CCNY: variants seen among roughly 807,000 people sequenced by gnomAD.
CCNY encodes the protein cyclin-Y.
In CCNY, 19 loss-of-function variants were observed where a neutral mutation model predicts 42.8. The observed-to-expected ratio is 0.44, with a 90% CI of 0.31 to 0.65. The LOEUF is 0.65. Ranked by LOEUF, CCNY falls within the 30% of genes least tolerant of loss-of-function variation. The probability of loss-of-function intolerance (pLI) is 0.07; values close to 1 mark genes in which losing one functional copy is unlikely to be tolerated. For synonymous variants in CCNY, 165 were observed against 162.7 expected (o/e 1.01, Z -0.11); for missense variants, 370 against 437.3 (o/e 0.85, Z 1.37).
intron 1 of CCNY, among the ~76,000 whole-genome samples, chr10:35,459,554 T>C (rs1839112273): frequency 6.6e-6 from 1 of 152,174 alleles, no homozygotes; most frequent in Non-Finnish European, 1.5e-5. Context: ...CCAGGCATGA[T>C]GACACTGTTT....
chr10:35,460,891 A>G (rs1384363097), intron 1 of CCNY, among the ~76,000 whole-genome samples: 2 of 152,240 alleles, frequency 1.3e-5, no homozygotes, highest in African/African-American at 2.4e-5. Flanking sequence ...TACTGTGTCT[A>G]AGATGAACAG....
intron 1 of CCNY, chr10:35,347,585 T>C: frequency 5.2e-6 from 1 of 192,832 alleles, no homozygotes; most frequent in Non-Finnish European, 9.5e-6. Context: ...AAAAGAGCAG[T>C]TATTAAGGAT....
In CCNY at chr10:35,426,543, G is replaced by A. The variant is rs58681202; in HGVS notation, c.155-56861G>A. ...GACTTTGGGTGGCCATCAAGAAGAAGCAAAATACTGCTTAAAATGCTGTGT... is the reference window on the plus strand; with the variant it reads ...GACTTTGGGTGGCCATCAAGAAGAAACAAAATACTGCTTAAAATGCTGTGT... On this transcript the variant is annotated intron_variant, in intron 1 of 9. Coordinates refer to ENST00000374704, the MANE Select transcript of CCNY (RefSeq NM_145012.6). 4.0e-3 allele frequency among the ~76,000 whole-genome samples: 613 copies of A among 152,300 alleles called. 3 individuals are homozygous for A. The highest frequency in any genetic ancestry group is 0.014 in the African/African-American group (569 of 41,562).
chr10:35,557,864 T>C (rs1017050607), intron 8 of CCNY, among the ~76,000 whole-genome samples: 1 of 152,222 alleles, frequency 6.6e-6, no homozygotes, highest in Admixed American at 6.5e-5. Flanking sequence ...TAGTTTATAT[T>C]TTTGTGTATG....
chr10:35,347,418 CCTT>C, intron 1 of CCNY: 1 of 982,832 alleles, frequency 1.0e-6, no homozygotes, highest in Non-Finnish European at 1.2e-6. Context: ...TGATTATAGA[CCTT>C]CTGACTGTTG....
intron 1 of CCNY, among the ~76,000 whole-genome samples, chr10:35,348,949 A>G (rs945095353): frequency 3.3e-5 from 5 of 151,920 alleles, no homozygotes; most frequent in Non-Finnish European, 5.9e-5. Flanking sequence ...GGAGCATTGT[A>G]ACAGGAATCC....
At chr10:35,478,703 C>T (rs900567479) in intron 1 of CCNY, among the ~76,000 whole-genome samples, 1 of 152,164 alleles carries the variant, frequency 6.6e-6, no homozygotes, top group African/African-American at 2.4e-5. Flanking sequence ...AAAACCTAGG[C>T]AATACCATTC....
chr10:35,301,666 C>T (rs1835534977), intron 3 of CCNY, among the ~76,000 whole-genome samples: 1 of 152,128 alleles, frequency 6.6e-6, no homozygotes, highest in Non-Finnish European at 1.5e-5. Flanking sequence ...GTCTCACTGT[C>T]ACCCAGGCCT....
intron 3 of CCNY, among the ~76,000 whole-genome samples, chr10:35,270,693 C>T (rs949066586): frequency 3.3e-5 from 5 of 150,730 alleles, no homozygotes; most frequent in Non-Finnish European, 7.4e-5. Context: ...TACCCCTTTT[C>T]GCAATTCTTA....
At chr10:35,473,220 T>C (rs1472025671) in intron 1 of CCNY, among the ~76,000 whole-genome samples, 2 of 152,196 alleles carry the variant, frequency 1.3e-5, no homozygotes, top group Admixed American at 1.3e-4. Context: ...GCCGTACATG[T>C]CTCTGTCCCT....
intron 7 of CCNY, among the ~76,000 whole-genome samples, chr10:35,545,087 G>T (rs1841084349): frequency 6.6e-6 from 1 of 152,198 alleles, no homozygotes; most frequent in African/African-American, 2.4e-5. Flanking sequence ...ATGTAGAAAT[G>T]AGGGGCTGGG....
At chr10:35,376,814 C>T (rs746310855) in intron 1 of CCNY, among the ~76,000 whole-genome samples, 6 of 152,136 alleles carry the variant, frequency 3.9e-5, no homozygotes, top group African/African-American at 7.2e-5. Flanking sequence ...ACATATATTA[C>T]GATTTCACGT....
intron 3 of CCNY, among the ~76,000 whole-genome samples, chr10:35,311,815 C>T (rs1262521030): frequency 1.3e-5 from 2 of 151,712 alleles, no homozygotes; most frequent in Non-Finnish European, 2.9e-5. Flanking sequence ...GGGACACCCC[C>T]TCTCTACAAA....
intron 1 of CCNY, among the ~76,000 whole-genome samples, chr10:35,421,476 C>A (rs1838157746): frequency 1.3e-5 from 2 of 152,144 alleles, no homozygotes; most frequent in Admixed American, 6.6e-5. Flanking sequence ...GAACCCCCGA[C>A]CCAGGGAACA....
At chr10:35,473,292 C>T (rs149815663) in intron 1 of CCNY, among the ~76,000 whole-genome samples, 221 of 152,336 alleles carry the variant, frequency 1.5e-3, no homozygotes, top group African/African-American at 4.2e-3. Context: ...TGTGTGGTGT[C>T]GTCTTTTCTC....
chr10:35,335,079 A>G (rs1211596224), upstream of CCNY, among the ~76,000 whole-genome samples: 1 of 23,820 alleles, frequency 4.2e-5, no homozygotes, highest in Non-Finnish European at 8.5e-5. Flanking sequence ...CCCCCACCCC[A>G]CAAGACTCTC....
At chr10:35,457,075 CAA>C (rs2064971908) in intron 1 of CCNY, among the ~76,000 whole-genome samples, 1 of 152,210 alleles carries the variant, frequency 6.6e-6, no homozygotes, top group African/African-American at 2.4e-5. Context: ...GCCATCCAAT[CAA>C]AGTTTTGTTA....
At chr10:35,334,849 C>A (rs1308293714), upstream of CCNY, among the ~76,000 whole-genome samples, 1 of 152,196 alleles carries the variant, frequency 6.6e-6, no homozygotes, top group Admixed American at 6.5e-5. Flanking sequence ...ACGATGTCCA[C>A]ACATTGCTGA....
rs1840741054 is a variant in CCNY at position 35,530,369 on chromosome 10, T to G, written c.579+126T>G. ...AGGTTACCCTGTGGACACCGTGGCATAAGCTTCAGTGTTGTCGTTCTCCTG... is the reference window on the plus strand; with the variant it reads ...AGGTTACCCTGTGGACACCGTGGCAGAAGCTTCAGTGTTGTCGTTCTCCTG... On this transcript the variant is annotated intron_variant, in intron 7 of 9. Coordinates refer to ENST00000374704, the MANE Select transcript of CCNY (RefSeq NM_145012.6). This position sits in a 1 kb window ranked among gnomAD's most constrained non-coding sequence, Gnocchi z 4.3. 1 of 1,134,458 alleles carries G rather than the reference T, an allele frequency of 8.8e-7. No homozygotes were observed. The highest frequency in any genetic ancestry group is 1.4e-5 in the South Asian group (1 of 71,044). The allele number at this position is 1,134,458 out of a possible 1,614,324, so 70.3% of individuals were successfully genotyped here. A position where few individuals can be genotyped will look rare whatever the true frequency, so the allele number is the denominator to read the frequency against.
Sources: allele counts gnomAD v4.1 joint callset (sites outside exome capture counted in the v4.1 genomes callset), GRCh38; gene constraint gnomAD v4.1.1; non-coding constraint Gnocchi (gnomAD v3.1); transcripts MANE v1.5; gene names NCBI Gene and HGNC (gene_info 2026-07-23, HGNC 2026-07-21).